CLTB: variants seen among roughly 807,000 people sequenced by gnomAD.
The protein encoded by CLTB is clathrin, light chain (Lcb).
Under a neutral mutation model 30.5 loss-of-function variants are expected in CLTB, and 10 were observed. That is an observed-to-expected ratio of 0.33 (90% CI 0.20 to 0.56). The LOEUF (loss-of-function observed/expected upper bound fraction) is 0.56, where lower values mean the gene tolerates loss of function less well. Among genes scored for constraint, CLTB ranks in the 20% least tolerant of loss-of-function variants. The probability of loss-of-function intolerance (pLI) is 0.91; values close to 1 mark genes in which losing one functional copy is unlikely to be tolerated. For synonymous variants in CLTB, 102 were observed against 120.3 expected (o/e 0.85, Z 1.00); for missense variants, 261 against 308.3 (o/e 0.85, Z 1.15).
chr5:176,406,400 C>T, intron 2 of CLTB: 1 of 1,153,528 alleles, frequency 8.7e-7, no homozygotes, highest in South Asian at 1.7e-5. Context: ...TGTGGACCCA[C>T]ACCAGCCAAG....
At position 176,416,366 on chromosome 5, in the gene CLTB, T is replaced by A; in HGVS notation, c.-3A>T. The A allele has an allele frequency of 6.3e-7, 1 of 1,585,030 alleles. No homozygotes were observed. The highest frequency in any genetic ancestry group is 8.5e-7 in the Non-Finnish European group (1 of 1,169,710). ...AAGAAGCCAAAGTCATCAGCCATTT[T>A]CCCCGCGCCTCCGCCGGAGCCTCCG... On this transcript the variant is annotated 5_prime_UTR_variant, in exon 1 of 6. Transcript: ENST00000310418.
intron 2 of CLTB, chr5:176,406,722 GA>G: frequency 3.9e-6 from 5 of 1,281,564 alleles, no homozygotes; most frequent in Non-Finnish European, 4.1e-6. Flanking sequence ...CAGAAAAGAG[GA>G]AGAAAGGAAG....
intron 1 of CLTB, among the ~76,000 whole-genome samples, chr5:176,415,057 G>T (rs1207903265): frequency 6.6e-6 from 1 of 152,124 alleles, no homozygotes; most frequent in African/African-American, 2.4e-5. Flanking sequence ...AACCTGTTTT[G>T]GATGTACCCA....
At chr5:176,394,886 C>T (rs544622177) in intron 5 of CLTB, among the ~76,000 whole-genome samples, 7 of 152,236 alleles carry the variant, frequency 4.6e-5, no homozygotes, top group Non-Finnish European at 8.8e-5. Context: ...GCTCTCTGGG[C>T]CATTTCCTCA....
chr5:176,396,269 G>A (rs1312630299), intron 5 of CLTB, among the ~76,000 whole-genome samples: 1 of 152,086 alleles, frequency 6.6e-6, no homozygotes, highest in Non-Finnish European at 1.5e-5. Flanking sequence ...CCTTTATCCT[G>A]CAAGGCTCTG....
At chr5:176,401,336 G>T (rs1422195221) in intron 2 of CLTB, among the ~76,000 whole-genome samples, 1 of 152,206 alleles carries the variant, frequency 6.6e-6, no homozygotes, top group Admixed American at 6.5e-5. Flanking sequence ...AGAGGTCAGA[G>T]AAGTTGGAAA....
intron 5 of CLTB, among the ~76,000 whole-genome samples, chr5:176,394,742 G>A (rs1271802624): frequency 6.6e-6 from 1 of 152,238 alleles, no homozygotes; most frequent in South Asian, 2.1e-4. Flanking sequence ...TTGAGCCCAG[G>A]AGGCGGAGGT....
chr5:176,404,481 C>T (rs1360148443), intron 2 of CLTB, among the ~76,000 whole-genome samples: 1 of 152,212 alleles, frequency 6.6e-6, no homozygotes, highest in East Asian at 1.9e-4. Flanking sequence ...AAGTGACTAG[C>T]CCACAGCCAG....
chr5:176,400,288 G>A (rs891991887), intron 2 of CLTB, among the ~76,000 whole-genome samples: 1 of 152,196 alleles, frequency 6.6e-6, no homozygotes, highest in African/African-American at 2.4e-5. Flanking sequence ...TATAATATTT[G>A]TGAGATATTT....
chr5:176,413,589 A>G (rs1174949551), intron 1 of CLTB, among the ~76,000 whole-genome samples: 6 of 152,200 alleles, frequency 3.9e-5, no homozygotes, highest in African/African-American at 1.2e-4. Flanking sequence ...GGACCCCAAC[A>G]TCTAAGAGAA....
rs1212683378 is a variant in CLTB, at chr5:176,393,833, CAG to C, written c.519-890_519-889del. On this transcript the variant is annotated intron_variant, in intron 5 of 5. Coordinates refer to ENST00000310418, the MANE Select transcript of CLTB (RefSeq NM_007097.5). The surrounding 1 kb of genome is among the most constrained non-coding windows in gnomAD (Gnocchi z 4.4). ...AAAATCTACACGTGGGACTCACTAA[CAG>C]AAAGACAATAAGGGATTCTTAGGTG... Among the ~76,000 whole-genome samples, 6 of 152,172 alleles carry C rather than the reference CAG, an allele frequency of 3.9e-5. No homozygotes were observed. Among genetic ancestry groups the C allele is most frequent in the Non-Finnish European group, 8.8e-5 (6 of 68,030 alleles).
chr5:176,399,003 C>T (rs181056735), intron 2 of CLTB, among the ~76,000 whole-genome samples: 27 of 152,022 alleles, frequency 1.8e-4, no homozygotes, highest in East Asian at 5.9e-4. Flanking sequence ...TCACGACACC[C>T]GGCTAATTTT....
chr5:176,392,530 A>G lies in CLTB; in HGVS notation c.*244T>C. On this transcript the variant is annotated 3_prime_UTR_variant, in exon 6 of 6. Transcript: ENST00000310418. This position sits in a 1 kb window ranked among gnomAD's most constrained non-coding sequence, Gnocchi z 5.2. ...CAACACACCCTTTAAGCCAAGAAAA[A>G]AAATACATCAGGAGGGACAGTCACA... The G allele has an allele frequency of 1.9e-6, 1 of 514,134 alleles. No individual in the cohort carries two copies. Among genetic ancestry groups the G allele is most frequent in the Non-Finnish European group, 3.5e-6 (1 of 287,940 alleles). The allele number at this position is 514,134 out of a possible 1,614,324, so 31.8% of individuals were successfully genotyped here. A position where few individuals can be genotyped will look rare whatever the true frequency, so the allele number is the denominator to read the frequency against.
At chr5:176,401,570 T>C (rs1232732808) in intron 2 of CLTB, among the ~76,000 whole-genome samples, 2 of 152,160 alleles carry the variant, frequency 1.3e-5, no homozygotes, top group Admixed American at 6.6e-5. Context: ...GAGAGGGTCA[T>C]ATCTGAGCAC....
Position 176,416,164 on chromosome 5 carries a change from C to T in CLTB, c.187+13G>A, listed in dbSNP as rs1325455958. ...GCGCCCTGAGCCCCTCTCCAGGCCCCGCGCTGACTCACCCCCACTCGTGGG... is the reference window on the plus strand; with the variant it reads ...GCGCCCTGAGCCCCTCTCCAGGCCCTGCGCTGACTCACCCCCACTCGTGGG... On this transcript the variant is annotated intron_variant, in intron 1 of 5. Transcript: ENST00000310418. 6.4e-7 allele frequency: 1 copy of T among 1,558,154 alleles called. No homozygotes were observed. Among genetic ancestry groups the T allele is most frequent in the South Asian group, 1.2e-5 (1 of 85,852 alleles).
intron 2 of CLTB, among the ~76,000 whole-genome samples, chr5:176,403,198 T>C (rs1756914718): frequency 6.6e-6 from 1 of 151,580 alleles, no homozygotes; most frequent in African/African-American, 2.4e-5. Flanking sequence ...TACAGGCATC[T>C]GCCACCACAC....
chr5:176,401,496 C>T (rs967428702), intron 2 of CLTB, among the ~76,000 whole-genome samples: 2 of 152,212 alleles, frequency 1.3e-5, no homozygotes, highest in Non-Finnish European at 2.9e-5. Flanking sequence ...ATTCCCCAAA[C>T]TTGCCCCACC....
In CLTB at chr5:176,392,885, C is replaced by G. The variant is rs780835708; in HGVS notation, c.579G>C (p.Glu193Asp). 4 of 1,614,236 alleles carry G rather than the reference C, an allele frequency of 2.5e-6. No homozygotes were observed. The Admixed American group carries it at 6.7e-5, about 27-fold the overall frequency. The change falls in exon 6 of 6, where the codon GAG (glutamate) becomes GAC (aspartate). Residue 193 changes from glutamate to aspartate, a missense_variant. By Grantham distance (45) the Glu-to-Asp change is conservative. This residue lies in a region of CLTB where 123 missense variants were observed against 157.0 expected (regional missense o/e 0.78). Transcript: ENST00000310418. This position sits in a 1 kb window ranked among gnomAD's most constrained non-coding sequence, Gnocchi z 5.2. ...SKEETPGTEWEKVAQLCDFNP... is the reference protein window; with the variant it reads ...SKEETPGTEWDKVAQLCDFNP... ...TGAAGTCACATAGCTGGGCCACCTT[C>G]TCCCACTCTGTGCCTGGGGTCTCCT... is the stretch of plus-strand genomic sequence containing the variant.
rs1486759975 is a variant in CLTB, at chr5:176,416,175, A to ACCC, written c.186_187+1dup. ...CCCTCTCCAGGCCCCGCGCTGACTCACCCCCACTCGTGGGGCCCGGCTGCG... is the reference window on the plus strand; with the variant it reads ...CCCTCTCCAGGCCCCGCGCTGACTCACCCCCCCCACTCGTGGGGCCCGGCTGCG... On this transcript the variant is annotated splice_donor_variant, in intron 1 of 5. Coordinates refer to ENST00000310418, the MANE Select transcript of CLTB (RefSeq NM_007097.5). LOFTEE classifies it high-confidence loss of function. 1.3e-6 allele frequency: 2 copies of ACCC among 1,572,860 alleles called. No homozygotes were observed. The highest frequency in any genetic ancestry group is 1.7e-6 in the Non-Finnish European group (2 of 1,165,048).
Sources: allele counts gnomAD v4.1 joint callset (sites outside exome capture counted in the v4.1 genomes callset), GRCh38; gene constraint gnomAD v4.1.1; regional missense constraint gnomAD v4.1.1; non-coding constraint Gnocchi (gnomAD v3.1); transcripts MANE v1.5; gene names NCBI Gene and HGNC (gene_info 2026-07-23, HGNC 2026-07-21).